SLC22A12: variants seen among roughly 807,000 people sequenced by gnomAD.
The protein encoded by SLC22A12 is organic anion transporter 4-like protein.
Under a neutral mutation model 52.7 loss-of-function variants are expected in SLC22A12, and 56 were observed. That is an observed-to-expected ratio of 1.06 (90% CI 0.86 to 1.33). SLC22A12 has a LOEUF of 1.33. SLC22A12 is among the 40% of genes most tolerant of loss of function. The pLI, the probability that SLC22A12 is intolerant of heterozygous loss-of-function variation, is 0.00. For synonymous variants in SLC22A12, 337 were observed against 324.6 expected (o/e 1.04, Z -0.41); for missense variants, 683 against 741.5 (o/e 0.92, Z 0.92).
At chr11:64,601,254 G>T (rs1251226824) in intron 9 of SLC22A12, among the ~76,000 whole-genome samples, 1 of 152,162 alleles carries the variant, frequency 6.6e-6, no homozygotes, top group Non-Finnish European at 1.5e-5. Context: ...GTGAGAGGGA[G>T]ATCCAGCCAT....
Position 64,591,405 on chromosome 11 carries a change from C to T in SLC22A12, c.-152C>T. On this transcript the variant is annotated 5_prime_UTR_variant, in exon 1 of 10. Transcript: ENST00000377574. Reference sequence around the variant, plus strand: ...AGGCAGATGACCAGAGAGCCTGAGCCTCCGGCCCCGAGTCTGTGAAGCCTA... The same window carrying T: ...AGGCAGATGACCAGAGAGCCTGAGCTTCCGGCCCCGAGTCTGTGAAGCCTA... The T allele has an allele frequency of 1.9e-6, 2 of 1,046,822 alleles. No homozygotes were observed. The highest frequency in any genetic ancestry group is 1.6e-5 in the African/African-American group (1 of 63,220). The allele number at this position is 1,046,822 out of a possible 1,614,324, so 64.8% of individuals were successfully genotyped here. A position where few individuals can be genotyped will look rare whatever the true frequency, so the allele number is the denominator to read the frequency against.
chr11:64,597,511 C>G (rs866818366), intron 4 of SLC22A12, among the ~76,000 whole-genome samples: 1 of 152,188 alleles, frequency 6.6e-6, no homozygotes, highest in Non-Finnish European at 1.5e-5. Context: ...GCCATGACGC[C>G]TCTCTCTCCC....
Position 64,593,512 on chromosome 11 carries a change from T to C in SLC22A12, c.614T>C (p.Leu205Pro). ...AFPVYCLFRF[L>P]LAFAVAGVMM... ...CCCGTGTACTGCCTGTTCCGCTTCC[T>C]GTTGGCCTTTGCCGTGGCAGGCGTC... The change falls in exon 3 of 10, where the codon CTG becomes CCG. Residue 205 changes from leucine to proline, a missense_variant. Coordinates refer to ENST00000377574, the MANE Select transcript of SLC22A12 (RefSeq NM_144585.4). The C allele has an allele frequency of 6.2e-7, 1 of 1,614,178 alleles. No homozygotes were observed. The highest frequency in any genetic ancestry group is 8.5e-7 in the Non-Finnish European group (1 of 1,180,038).
chr11:64,601,509 T>A lies in SLC22A12; in HGVS notation c.1620T>A (p.His540Gln). The A allele has an allele frequency of 1.9e-6, 3 of 1,613,856 alleles. No homozygotes were observed. The highest frequency in any genetic ancestry group is 1.3e-5 in the African/African-American group (1 of 75,000). The stretch of plus-strand genomic sequence containing the variant: ...ACAGGGCAGTAAAGAAGGCAACACA[T>A]GGCACGCTGGGGAACTCTGTCCTAA... ...VQNQAVKKATHGTLGNSVLKS... is the reference protein window; with the variant it reads ...VQNQAVKKATQGTLGNSVLKS... Residue 540 changes from histidine to glutamine, a missense_variant, in exon 10 of 10, where the codon CAT (histidine) becomes CAA (glutamine). Coordinates refer to ENST00000377574, the MANE Select transcript of SLC22A12 (RefSeq NM_144585.4).
In SLC22A12 at chr11:64,598,623, A is replaced by T; in HGVS notation, c.938A>T (p.Asp313Val). The T allele has an allele frequency of 6.2e-7, 1 of 1,611,086 alleles. No individual in the cohort carries two copies. Among genetic ancestry groups the T allele is most frequent in the African/African-American group, 1.3e-5 (1 of 74,962 alleles). Residue 313 changes from aspartate to valine, a missense_variant, in exon 5 of 10, where the codon GAC becomes GTC. Coordinates refer to ENST00000377574, the MANE Select transcript of SLC22A12 (RefSeq NM_144585.4). ...ATCAACGGAAAGGGGGCAGTGCAGG[A>T]CACCCTGACCCCTGAGGTAAGGCTG... ...AAINGKGAVQ[D>V]TLTPEVLLSA...
In SLC22A12 at chr11:64,599,887, CACGGTGAGGGGG is replaced by C. The variant is rs1311899826; in HGVS notation, c.1283_1285+9del. On this transcript the variant is annotated splice_donor_variant and splice_donor_5th_base_variant and coding_sequence_variant and intron_variant, in exon 7 of 10. Transcript: ENST00000377574. LOFTEE classifies it high-confidence loss of function. The stretch of plus-strand genomic sequence containing the variant: ...CATTCTGGCCAACACGCTGGTGCCC[CACGGTGAGGGGG>C]CAAAGCTGTACACCAGAGACTTCCC... The C allele has an allele frequency of 3.7e-6, 6 of 1,612,278 alleles. No homozygotes were observed. In the Admixed American group the frequency reaches 5.0e-5, roughly 13 times the overall value.
At position 64,601,656 on chromosome 11, in the gene SLC22A12, C is replaced by A; in HGVS notation, c.*105C>A. 1.5e-6 allele frequency: 2 copies of A among 1,331,418 alleles called. No homozygotes were observed. Among genetic ancestry groups the A allele is most frequent in the Non-Finnish European group, 2.1e-6 (2 of 946,524 alleles). 82.5% of individuals were successfully genotyped at this position (1,331,418 alleles called of 1,614,324 possible). ...ACCTCCATTTCCAGAGGCCCAGAGG[C>A]TGCCCTCTGAGGTCCCCACTCTCCC... is the stretch of plus-strand genomic sequence containing the variant. On this transcript the variant is annotated 3_prime_UTR_variant, in exon 10 of 10. Transcript: ENST00000377574.
At chr11:64,601,020 C>T (rs557544213) in intron 9 of SLC22A12, 82 bp downstream of exon 9, 16 of 1,544,386 alleles carry the variant, frequency 1.0e-5, no homozygotes, top group South Asian at 7.8e-5. Context: ...CCATCCCCAT[C>T]ACTTGACAGA....
intron 4 of SLC22A12, among the ~76,000 whole-genome samples, chr11:64,597,692 C>T (rs560751877): frequency 7.2e-5 from 11 of 152,342 alleles, no homozygotes; most frequent in East Asian, 1.9e-4. Flanking sequence ...GGGGACAACA[C>T]GTCTGGCTGA....
chr11:64,591,733 TCAGGC>T lies in SLC22A12; in HGVS notation c.181_185del (p.Ala61HisfsTer8). On this transcript the variant is annotated frameshift_variant, in exon 1 of 10. Coordinates refer to ENST00000377574, the MANE Select transcript of SLC22A12 (RefSeq NM_144585.4). LOFTEE classifies it high-confidence loss of function. ...CACCCCTCCTGGACAACAGCACGGC[TCAGGC>T]CAGCATCCTAGGGAGCTTGAGTCCT... 2 of 1,612,732 alleles carry T rather than the reference TCAGGC, an allele frequency of 1.2e-6. No homozygotes were observed. The highest frequency in any genetic ancestry group is 2.2e-5 in the South Asian group (2 of 91,086).
chr11:64,592,968 C>T (rs565097099), intron 2 of SLC22A12, 86 bp downstream of exon 2: 2 of 1,270,730 alleles, frequency 1.6e-6, no homozygotes, highest in Admixed American at 1.8e-5. Context: ...CCAAACCAGC[C>T]TCACAAAACC....
In SLC22A12 at chr11:64,593,490, G is replaced by A. The variant is rs367825288; in HGVS notation, c.592G>A (p.Val198Met). The A allele has an allele frequency of 2.0e-5, 33 of 1,614,028 alleles. No homozygotes were observed. Among genetic ancestry groups the A allele is most frequent in the Middle Eastern group, 1.6e-4 (1 of 6,084 alleles). Reference protein sequence around the residue: ...TAAAFAPAFPVYCLFRFLLAF... With the variant: ...TAAAFAPAFPMYCLFRFLLAF... The stretch of plus-strand genomic sequence containing the variant: ...AGCTGCCTTCGCCCCTGCCTTCCCC[G>A]TGTACTGCCTGTTCCGCTTCCTGTT... The change falls in exon 3 of 10, where the codon GTG (valine) becomes ATG (methionine). Residue 198 changes from valine (V) to methionine (M), a missense_variant. Transcript: ENST00000377574.
At position 64,591,325 on chromosome 11, in the gene SLC22A12, G is replaced by A. The variant is rs573589457; in HGVS notation, c.-232G>A. On this transcript the variant is annotated 5_prime_UTR_variant, in exon 1 of 10. Coordinates refer to ENST00000377574, the MANE Select transcript of SLC22A12 (RefSeq NM_144585.4). ...CTCTGGGGAGATGCTGGAGGTCTCG[G>A]AATCACCTCACGCGGCCTCAGGGCC... The A allele has an allele frequency of 3.4e-6, 2 of 589,224 alleles. No individual in the cohort carries two copies. Among genetic ancestry groups the A allele is most frequent in the East Asian group, 2.9e-5 (1 of 34,806 alleles). 36.5% of individuals were successfully genotyped at this position (589,224 alleles called of 1,614,324 possible). A position where few individuals can be genotyped will look rare whatever the true frequency, so the allele number is the denominator to read the frequency against.
chr11:64,601,079 T>C, intron 9 of SLC22A12, 141 bp downstream of exon 9: 1 of 1,152,768 alleles, frequency 8.7e-7, no homozygotes, highest in Non-Finnish European at 1.3e-6. Context: ...AGTCACACAG[T>C]ACATCTCTGG....
intron 4 of SLC22A12, among the ~76,000 whole-genome samples, chr11:64,597,546 T>A (rs1028141789): frequency 6.6e-6 from 1 of 152,150 alleles, no homozygotes; most frequent in South Asian, 2.1e-4. Flanking sequence ...CCAAGTCCAC[T>A]GGGTCACCAG....
Position 64,601,568 on chromosome 11 carries a change from C to T in SLC22A12, c.*17C>T, listed in dbSNP as rs1449463861. The T allele has an allele frequency of 1.9e-6, 3 of 1,613,084 alleles. No homozygotes were observed. Among genetic ancestry groups the T allele is most frequent in the East Asian group, 2.2e-5 (1 of 44,842 alleles). Reference sequence around the variant, plus strand: ...CAGTTTTAGCCTCCTGGGGAACCTGCGATGGGACGGTCAGAGGAAGAGACT... The same window carrying T: ...CAGTTTTAGCCTCCTGGGGAACCTGTGATGGGACGGTCAGAGGAAGAGACT... On this transcript the variant is annotated 3_prime_UTR_variant, in exon 10 of 10. Transcript: ENST00000377574.
intron 7 of SLC22A12, 109 bp from the exon 8 acceptor site, chr11:64,600,258 A>T: frequency 1.1e-6 from 1 of 891,180 alleles, no homozygotes; most frequent in Non-Finnish European, 1.8e-6. Flanking sequence ...TGACTCCCAA[A>T]CATTTACAAA....
intron 4 of SLC22A12, among the ~76,000 whole-genome samples, chr11:64,598,180 C>T (rs531809883): frequency 1.1e-3 from 168 of 152,136 alleles, no homozygotes; most frequent in African/African-American, 3.9e-3. Context: ...GCAACCAGGC[C>T]GGGTTCCTAG....
intron 2 of SLC22A12, 56 bp from the exon 3 acceptor site, chr11:64,593,349 C>T (rs1349440181): frequency 4.3e-6 from 7 of 1,612,610 alleles, no homozygotes; most frequent in Admixed American, 1.7e-5. Flanking sequence ...TCCAGAGCCC[C>T]GTGGCCTGTG....
Sources: gnomAD v4.1 joint callset for allele counts (sites outside exome capture counted in the v4.1 genomes callset) on GRCh38, gnomAD v4.1.1 for gene constraint, MANE v1.5 for transcripts, NCBI Gene and HGNC (gene_info 2026-07-23, HGNC 2026-07-21) for gene names.